ARNT: variants seen among roughly 807,000 people sequenced by gnomAD.
ARNT encodes class E basic helix-loop-helix protein 2.
ARNT carries 30 observed loss-of-function variants against 105.0 expected under a neutral mutation model. The ratio of observed to expected loss-of-function variants is 0.29; its 90% CI spans 0.21 to 0.39. The LOEUF (loss-of-function observed/expected upper bound fraction) is 0.39, where lower values mean the gene tolerates loss of function less well. ARNT is among the 10% of genes least tolerant of loss of function. ARNT has a pLI of 1.00. For synonymous variants in ARNT, 304 were observed against 344.0 expected (o/e 0.88, Z 1.29); for missense variants, 748 against 978.7 (o/e 0.76, Z 3.15).
rs189740651 is a variant in ARNT at position 150,811,228 on chromosome 1, C to T, written c.*793G>A. 8.6e-5 allele frequency: 20 copies of T among 233,644 alleles called. No homozygotes were observed. Among genetic ancestry groups the T allele is most frequent in the African/African-American group, 2.0e-4 (9 of 45,430 alleles). 14.5% of individuals were successfully genotyped at this position (233,644 alleles called of 1,614,324 possible). On this transcript the variant is annotated 3_prime_UTR_variant, in exon 22 of 22. Coordinates refer to ENST00000358595, the MANE Select transcript of ARNT (RefSeq NM_001668.4). Reference sequence around the variant, plus strand: ...GATAACAGACAATCGTATCAACAGCCGACTTTCTATATTTGCTTTACAGTT... The same window carrying T: ...GATAACAGACAATCGTATCAACAGCTGACTTTCTATATTTGCTTTACAGTT...
intron 2 of ARNT, among the ~76,000 whole-genome samples, chr1:150,854,554 C>A (rs1664217731): frequency 6.6e-6 from 1 of 151,794 alleles, no homozygotes; most frequent in Admixed American, 6.6e-5. Context: ...ATGGCAAGAC[C>A]CTGTCTCAAA....
intron 2 of ARNT, among the ~76,000 whole-genome samples, chr1:150,857,942 A>T (rs776030922): frequency 2.0e-5 from 3 of 152,304 alleles, no homozygotes; most frequent in Non-Finnish European, 4.4e-5. Flanking sequence ...ATTCCAAACC[A>T]AGCAACATAT....
intron 2 of ARNT, among the ~76,000 whole-genome samples, chr1:150,856,485 G>A (rs974426418): frequency 2.0e-4 from 30 of 151,942 alleles, no homozygotes; most frequent in African/African-American, 7.0e-4. Context: ...ATATTAGGCC[G>A]GGCATGGTGG....
intron 12 of ARNT, 150 bp from the exon 13 acceptor site, chr1:150,826,767 C>T: frequency 1.9e-6 from 1 of 539,772 alleles, no homozygotes; most frequent in South Asian, 2.4e-5. Flanking sequence ...GTCTCAACCT[C>T]CCAAGTAGCT....
chr1:150,817,831 A>AAT, intron 15 of ARNT, 89 bp downstream of exon 15: 1 of 1,114,782 alleles, frequency 9.0e-7, no homozygotes, highest in Non-Finnish European at 1.3e-6. Flanking sequence ...AAAAAAAAAA[A>AAT]TTAACCAACC....
intron 3 of ARNT, among the ~76,000 whole-genome samples, chr1:150,849,182 A>G (rs1662835313): frequency 6.6e-6 from 1 of 152,158 alleles, no homozygotes; most frequent in Non-Finnish European, 1.5e-5. Flanking sequence ...CAGCCTGGGC[A>G]ACAAGAGTGA....
chr1:150,872,803 A>T (rs1262493846), intron 1 of ARNT, among the ~76,000 whole-genome samples: 1 of 152,106 alleles, frequency 6.6e-6, no homozygotes, highest in African/African-American at 2.4e-5. Flanking sequence ...TCTCTAAAAA[A>T]AATTTAAAAT....
intron 12 of ARNT, among the ~76,000 whole-genome samples, 197 bp downstream of exon 12, chr1:150,828,896 T>C (rs1658814881): frequency 6.6e-6 from 1 of 152,242 alleles, no homozygotes. Context: ...CCCACCTGGT[T>C]TGACAAGCCA....
chr1:150,848,183 A>C (rs1442159237), intron 3 of ARNT, among the ~76,000 whole-genome samples: 4 of 152,224 alleles, frequency 2.6e-5, no homozygotes, highest in Non-Finnish European at 4.4e-5. Context: ...TTGAAGGTCC[A>C]GGCTGGGGGC....
chr1:150,817,424 TTGC>T lies in ARNT; in HGVS notation c.1512_1514del (p.Gln507del). ...GTACCATGTCCAATTCTGTTTGCTG[TTGC>T]TGCTGCCTATATGTCAAAGGCCAGT... On this transcript the variant is annotated inframe_deletion, in exon 16 of 22. Coordinates refer to ENST00000358595, the MANE Select transcript of ARNT (RefSeq NM_001668.4). 1 of 1,614,196 alleles carries T rather than the reference TTGC, an allele frequency of 6.2e-7. No homozygotes were observed. The highest frequency in any genetic ancestry group is 8.5e-7 in the Non-Finnish European group (1 of 1,180,034).
Position 150,831,911 on chromosome 1 carries a change from A to T in ARNT, c.870-8T>A. ...ACAGAGCCAAGTCCATTCCTAGAAG[A>T]GTTACAGGAGTTTGAAAAAAAAAAA... is the stretch of plus-strand genomic sequence containing the variant. On this transcript the variant is annotated splice_region_variant and splice_polypyrimidine_tract_variant and intron_variant, in intron 9 of 21. Coordinates refer to ENST00000358595, the MANE Select transcript of ARNT (RefSeq NM_001668.4). 1 of 1,464,148 alleles carries T rather than the reference A, an allele frequency of 6.8e-7. No individual in the cohort carries two copies. The highest frequency in any genetic ancestry group is 2.3e-5 in the East Asian group (1 of 43,282). The allele number at this position is 1,464,148 out of a possible 1,614,324, so 90.7% of individuals were successfully genotyped here. A position where few individuals can be genotyped will look rare whatever the true frequency, so the allele number is the denominator to read the frequency against.
chr1:150,835,701 C>T (rs1660194817), intron 7 of ARNT, among the ~76,000 whole-genome samples: 1 of 151,936 alleles, frequency 6.6e-6, no homozygotes, highest in Non-Finnish European at 1.5e-5. Context: ...TATCTGCTTC[C>T]ACTTTAAATT....
At position 150,810,473 on chromosome 1, in the gene ARNT, C is replaced by A. The variant is rs1654527083; in HGVS notation, c.*1548G>T. The A allele has an allele frequency of 9.0e-6, 2 of 221,646 alleles. No individual in the cohort carries two copies. The highest frequency in any genetic ancestry group is 3.7e-4 in the South Asian group (2 of 5,424). 13.7% of individuals were successfully genotyped at this position (221,646 alleles called of 1,614,324 possible). ...AACTGTCTCCTTTTTTACTCCACTA[C>A]CTGGCACCAGACTGGAGACATAAGG... is the stretch of plus-strand genomic sequence containing the variant. On this transcript the variant is annotated 3_prime_UTR_variant, in exon 22 of 22. Coordinates refer to ENST00000358595, the MANE Select transcript of ARNT (RefSeq NM_001668.4).
intron 13 of ARNT, 79 bp from the exon 14 acceptor site, chr1:150,823,424 A>G (rs1657517093): frequency 1.3e-5 from 19 of 1,411,262 alleles, no homozygotes; most frequent in East Asian, 4.7e-5. Context: ...TCCAATTTCT[A>G]TAACCCTAAA....
intron 14 of ARNT, chr1:150,818,562 G>A (rs761289915): frequency 2.6e-4 from 39 of 152,286 alleles, no homozygotes; most frequent in Non-Finnish European, 4.0e-4. Flanking sequence ...GACCAGCCTG[G>A]GCAACATGGT....
At chr1:150,841,641 A>G (rs955240928) in intron 5 of ARNT, among the ~76,000 whole-genome samples, 6 of 152,254 alleles carry the variant, frequency 3.9e-5, no homozygotes, top group African/African-American at 7.2e-5. Flanking sequence ...TAGAAAACAG[A>G]AAAGTCTATG....
At chr1:150,868,367 A>T (rs1340428364) in intron 1 of ARNT, among the ~76,000 whole-genome samples, 2 of 152,120 alleles carry the variant, frequency 1.3e-5, no homozygotes, top group Admixed American at 1.3e-4. Flanking sequence ...CATACTGAAC[A>T]AGAGAAAGAA....
At chr1:150,822,921 CT>C (rs1194032617) in intron 14 of ARNT, among the ~76,000 whole-genome samples, 1 of 152,082 alleles carries the variant, frequency 6.6e-6, no homozygotes, top group Non-Finnish European at 1.5e-5. Flanking sequence ...TTTCTTTTTT[CT>C]TTTTCTTTTT....
At chr1:150,814,964 G>T (rs893821553) in intron 19 of ARNT, among the ~76,000 whole-genome samples, 1 of 152,082 alleles carries the variant, frequency 6.6e-6, no homozygotes, top group South Asian at 2.1e-4. Flanking sequence ...TTTCTCATGA[G>T]AGTTCTGTAT....
Sources: allele counts gnomAD v4.1 joint callset (sites outside exome capture counted in the v4.1 genomes callset), GRCh38; gene constraint gnomAD v4.1.1; transcripts MANE v1.5; gene names NCBI Gene and HGNC (gene_info 2026-07-23, HGNC 2026-07-21).